The following UBE2Q2 variants were observed in gnomAD, a reference collection of about 807,000 sequenced individuals.
The protein encoded by UBE2Q2 is ubiquitin conjugating enzyme E2 Q2, also known as ubiquitin-conjugating enzyme E2 Q2.
UBE2Q2 carries 54 observed loss-of-function variants against 59.9 expected under a neutral mutation model. The observed-to-expected ratio is 0.90, with a 90% CI of 0.72 to 1.13. UBE2Q2 has a LOEUF of 1.13. UBE2Q2 is among the 50% of genes most tolerant of loss of function. UBE2Q2 has a pLI of 0.00. For missense variants in UBE2Q2, 433 were observed against 441.9 expected (o/e 0.98, Z 0.18); for synonymous variants, 165 against 155.2 (o/e 1.06, Z -0.47).
intron 2 of UBE2Q2, among the ~76,000 whole-genome samples, chr15:75,855,490 C>CAAAA (rs35784581): frequency 8.0e-6 from 1 of 124,340 alleles, no homozygotes. Context: ...TACTCCATCT[C>CAAAA]AAAAAAAAAA....
At chr15:75,857,669 A>G (rs1465926788) in intron 2 of UBE2Q2, among the ~76,000 whole-genome samples, 1 of 151,900 alleles carries the variant, frequency 6.6e-6, no homozygotes, top group African/African-American at 2.4e-5. Context: ...TTGTTGAAAC[A>G]TTCCTGCATT....
chr15:75,846,505 A>G (rs1034134386), intron 1 of UBE2Q2, among the ~76,000 whole-genome samples: 2 of 152,148 alleles, frequency 1.3e-5, no homozygotes, highest in Non-Finnish European at 2.9e-5. Flanking sequence ...GGAGTGAGCC[A>G]CCGTTCCTGG....
intron 3 of UBE2Q2, 116 bp from the exon 4 acceptor site, chr15:75,868,835 C>T: frequency 1.3e-6 from 1 of 758,666 alleles, no homozygotes; most frequent in Non-Finnish European, 2.2e-6. Context: ...AATAAACTGT[C>T]TGGTAGTGGG....
At chr15:75,873,331 C>G in intron 4 of UBE2Q2, 97 bp from the exon 5 acceptor site, 1 of 1,242,480 alleles carries the variant, frequency 8.0e-7, no homozygotes, top group Non-Finnish European at 1.1e-6. Context: ...GTTTCTTGTT[C>G]CTCATTTGAG....
At chr15:75,850,051 A>C (rs1304203748) in intron 1 of UBE2Q2, among the ~76,000 whole-genome samples, 1 of 152,234 alleles carries the variant, frequency 6.6e-6, no homozygotes, top group African/African-American at 2.4e-5. Context: ...CATAGGTTTA[A>C]ATATTGGTCA....
At chr15:75,856,246 C>CATGTGTGTGTGTGTGT (rs1555418769) in intron 2 of UBE2Q2, among the ~76,000 whole-genome samples, 25 of 135,702 alleles carry the variant, frequency 1.8e-4, no homozygotes, top group African/African-American at 7.0e-4. Flanking sequence ...TGTGTATATA[C>CATGTGTGTGTGTGTGT]GTGTGTGTGT....
intron 9 of UBE2Q2, among the ~76,000 whole-genome samples, chr15:75,890,042 T>C (rs1381330746): frequency 6.6e-6 from 1 of 152,196 alleles, no homozygotes; most frequent in African/African-American, 2.4e-5. Context: ...AGTGTCATTG[T>C]CAGGGGAAAA....
chr15:75,868,385 G>T (rs995654834), intron 3 of UBE2Q2, among the ~76,000 whole-genome samples: 13 of 152,196 alleles, frequency 8.5e-5, no homozygotes, highest in African/African-American at 3.1e-4. Context: ...GTCTTGTAGG[G>T]AAGTATTTTG....
In UBE2Q2 at chr15:75,891,008, A is replaced by C. The variant is rs1899071323; in HGVS notation, c.1023A>C (p.Ala341=). Residue 341 remains alanine, a synonymous_variant, in exon 11 of 13, where the codon GCA becomes GCC. Coordinates refer to ENST00000267938, the MANE Select transcript of UBE2Q2 (RefSeq NM_173469.4). The stretch of plus-strand genomic sequence containing the variant: ...GCAAAGCCAGAGTGCAGTTTGGAGC[A>C]AATAAGGTACTTCTGTTAAGAATTT... ...VKGKARVQFG[A]NKNQYNLARA... 6.2e-7 allele frequency: 1 copy of C among 1,611,140 alleles called. No homozygotes were observed. The highest frequency in any genetic ancestry group is 1.3e-5 in the African/African-American group (1 of 74,862).
chr15:75,857,449 C>T (rs1034146632), intron 2 of UBE2Q2, among the ~76,000 whole-genome samples: 2 of 152,140 alleles, frequency 1.3e-5, no homozygotes, highest in African/African-American at 4.8e-5. Context: ...ACTCACCTCC[C>T]ACTCTTGCAG....
chr15:75,876,339 G>A (rs764300691), intron 6 of UBE2Q2, 68 bp downstream of exon 6: 29 of 1,377,138 alleles, frequency 2.1e-5, no homozygotes, highest in South Asian at 6.5e-5. Flanking sequence ...GATTATAAAT[G>A]TCATTTCTTA....
At chr15:75,863,695 T>C (rs1595868961) in intron 3 of UBE2Q2, among the ~76,000 whole-genome samples, 1 of 151,392 alleles carries the variant, frequency 6.6e-6, no homozygotes, top group East Asian at 1.9e-4. Context: ...CAGGATGGAG[T>C]GCAATGGTGC....
chr15:75,853,223 G>C (rs1200752441), intron 1 of UBE2Q2, among the ~76,000 whole-genome samples: 1 of 152,184 alleles, frequency 6.6e-6, no homozygotes, highest in Non-Finnish European at 1.5e-5. Context: ...TGTAATCCCA[G>C]CACTTTGGGA....
intron 1 of UBE2Q2, among the ~76,000 whole-genome samples, chr15:75,845,688 G>A (rs1896308530): frequency 6.6e-6 from 1 of 152,216 alleles, no homozygotes; most frequent in East Asian, 1.9e-4. Flanking sequence ...TTATTGCTGT[G>A]CCGGCATTTA....
intron 7 of UBE2Q2, 131 bp from the exon 8 acceptor site, chr15:75,878,967 T>C (rs1227316923): frequency 1.7e-6 from 1 of 574,718 alleles, no homozygotes; most frequent in East Asian, 3.0e-5. Flanking sequence ...AGAGCAGCTT[T>C]AGACCTTCTC....
intron 1 of UBE2Q2, among the ~76,000 whole-genome samples, chr15:75,848,989 C>T (rs1896500166): frequency 6.6e-6 from 1 of 152,164 alleles, no homozygotes; most frequent in Admixed American, 6.5e-5. Flanking sequence ...ATGATGTTCT[C>T]AGTAGCTGTA....
At chr15:75,856,586 G>T (rs1346343866) in intron 2 of UBE2Q2, among the ~76,000 whole-genome samples, 5 of 152,152 alleles carry the variant, frequency 3.3e-5, no homozygotes, top group Non-Finnish European at 2.9e-5. Context: ...GGAAGTTTGA[G>T]TCTCAACTCT....
intron 3 of UBE2Q2, among the ~76,000 whole-genome samples, chr15:75,868,314 ACC>A (rs1353185232): frequency 6.6e-6 from 1 of 152,166 alleles, no homozygotes; most frequent in Non-Finnish European, 1.5e-5. Context: ...CCTTCCTAAA[ACC>A]CCATCAAATT....
intron 11 of UBE2Q2, 108 bp downstream of exon 11, chr15:75,891,122 T>A (rs1899075525): frequency 1.2e-6 from 1 of 844,522 alleles, no homozygotes; most frequent in South Asian, 2.1e-5. Context: ...TTCATTTTCA[T>A]TTGGTTTGTT....
Sources: gnomAD v4.1 joint callset for allele counts (sites outside exome capture counted in the v4.1 genomes callset) on GRCh38, gnomAD v4.1.1 for gene constraint, MANE v1.5 for transcripts, NCBI Gene and HGNC (gene_info 2026-07-23, HGNC 2026-07-21) for gene names.